SLC12A1: variants seen among roughly 807,000 people sequenced by gnomAD.
SLC12A1 encodes the protein solute carrier family 12 member 1.
In SLC12A1, 89 loss-of-function variants were observed where a neutral mutation model predicts 130.4. The ratio of observed to expected loss-of-function variants is 0.68; its 90% confidence interval spans 0.58 to 0.81. The LOEUF (loss-of-function observed/expected upper bound fraction) is 0.81. SLC12A1 is among the 40% of genes least tolerant of loss of function. The pLI, the probability that SLC12A1 is intolerant of heterozygous loss-of-function variation, is 0.00. For synonymous variants in SLC12A1, 499 were observed against 460.0 expected (o/e 1.08, Z -1.09); for missense variants, 1,310 against 1,336.4 (o/e 0.98, Z 0.31).
intron 2 of SLC12A1, among the ~76,000 whole-genome samples, chr15:48,212,826 A>C (rs1253112755): frequency 6.6e-6 from 1 of 152,210 alleles, no homozygotes; most frequent in African/African-American, 2.4e-5. Flanking sequence ...AATCCAAAAA[A>C]AAATCAATGA....
intron 2 of SLC12A1, among the ~76,000 whole-genome samples, chr15:48,210,604 T>C (rs7183437): frequency 0.99 from 150,980 of 151,920 alleles, 75,029 homozygotes; most frequent in Middle Eastern, 1. Flanking sequence ...CCTGTAATCC[T>C]AGCACTTTGG....
At chr15:48,250,418 T>C (rs16960712) in intron 14 of SLC12A1, among the ~76,000 whole-genome samples, 11,329 of 152,232 alleles carry the variant, frequency 0.074, 653 homozygotes, top group African/African-American at 0.15. Context: ...AAAATATAGA[T>C]GGCAGACCAA....
intron 17 of SLC12A1, among the ~76,000 whole-genome samples, chr15:48,265,056 A>G (rs34974030): frequency 0.012 from 1,883 of 152,270 alleles, 40 homozygotes; most frequent in African/African-American, 0.044. Flanking sequence ...TAACTATGGC[A>G]TATTTGAATG....
chr15:48,255,836 G>A lies in SLC12A1; in HGVS notation c.1968G>A (p.Gln656=). 1 of 1,608,114 alleles carries A rather than the reference G, an allele frequency of 6.2e-7. No individual in the cohort carries two copies. The highest frequency in any genetic ancestry group is 8.5e-7 in the Non-Finnish European group (1 of 1,177,204). ...KPDVNWGSST[Q]ALSYVSALDN... Reference sequence around the variant, plus strand: ...ATGTGAACTGGGGCTCCTCCACACAGGCTCTTTCCTACGTGAGTGCTTTAG... The same window carrying A: ...ATGTGAACTGGGGCTCCTCCACACAAGCTCTTTCCTACGTGAGTGCTTTAG... The change falls in exon 16 of 27, where the codon CAG becomes CAA. Residue 656 remains glutamine (Q), a synonymous_variant. Transcript: ENST00000380993.
At chr15:48,235,047 C>T (rs747853974) in intron 9 of SLC12A1, 43 bp downstream of exon 9, 2 of 1,605,274 alleles carry the variant, frequency 1.2e-6, no homozygotes, top group East Asian at 4.5e-5. Context: ...AGTGGTGGTA[C>T]ACTTGGTGGG....
chr15:48,222,318 T>A (rs2041226816), intron 4 of SLC12A1: 1 of 152,172 alleles, frequency 6.6e-6, no homozygotes, highest in African/African-American at 2.4e-5. Flanking sequence ...TTAACATCCA[T>A]ACGTTTGGGC....
intron 2 of SLC12A1, among the ~76,000 whole-genome samples, chr15:48,216,322 A>C (rs747141114): frequency 9.2e-5 from 14 of 152,208 alleles, no homozygotes; most frequent in Non-Finnish European, 1.8e-4. Flanking sequence ...TCCATCAGGA[A>C]GGAAAGTTCA....
intron 24 of SLC12A1, 94 bp downstream of exon 24, chr15:48,291,958 A>G (rs2042126256): frequency 1.3e-6 from 1 of 784,490 alleles, no homozygotes; most frequent in Non-Finnish European, 2.1e-6. Flanking sequence ...TTATGTATTT[A>G]CTGCAGCGAC....
At chr15:48,289,873 T>G (rs903547999) in intron 23 of SLC12A1, among the ~76,000 whole-genome samples, 2 of 152,198 alleles carry the variant, frequency 1.3e-5, no homozygotes, top group South Asian at 2.1e-4. Flanking sequence ...CTACTGTAGA[T>G]TTTATCAACA....
At position 48,291,589 on chromosome 15, in the gene SLC12A1, G is replaced by A. The variant is rs1340661204; in HGVS notation, c.2874-189G>A. Among the ~76,000 whole-genome samples, 9 of 152,260 alleles carry A rather than the reference G, an allele frequency of 5.9e-5. No individual in the cohort carries two copies. The East Asian group carries it at 1.7e-3, about 29-fold the overall frequency. On this transcript the variant is annotated intron_variant, in intron 23 of 26. Coordinates refer to ENST00000380993, the MANE Select transcript of SLC12A1 (RefSeq NM_000338.3). Reference sequence around the variant, plus strand: ...GTTTCTTTATGCCTTCAGTGAAATAGCTTGGTCCACACTTAATGCGTTCAT... The same window carrying A: ...GTTTCTTTATGCCTTCAGTGAAATAACTTGGTCCACACTTAATGCGTTCAT...
chr15:48,280,670 T>C (rs2042000907), intron 20 of SLC12A1, among the ~76,000 whole-genome samples: 1 of 152,140 alleles, frequency 6.6e-6, no homozygotes, highest in South Asian at 2.1e-4. Flanking sequence ...GGTGGTGGTC[T>C]TTTCCAGGGA....
chr15:48,302,714 C>A, intron 26 of SLC12A1, 36 bp from the exon 27 acceptor site: 1 of 1,514,046 alleles, frequency 6.6e-7, no homozygotes, highest in Non-Finnish European at 8.9e-7. Flanking sequence ...TAGTAATTTT[C>A]ACTTTCATTT....
intron 15 of SLC12A1, among the ~76,000 whole-genome samples, chr15:48,253,824 T>G (rs1769122506): frequency 6.6e-6 from 1 of 152,234 alleles, no homozygotes; most frequent in Non-Finnish European, 1.5e-5. Flanking sequence ...TCAGCATGTA[T>G]TATTGCCAGA....
At chr15:48,251,401 T>A (rs942198314) in intron 14 of SLC12A1, among the ~76,000 whole-genome samples, 2 of 152,044 alleles carry the variant, frequency 1.3e-5, no homozygotes, top group Non-Finnish European at 2.9e-5. Context: ...ATGCTTAACA[T>A]TTCCTAAACT....
chr15:48,266,327 C>A (rs2041831240), intron 17 of SLC12A1, among the ~76,000 whole-genome samples: 2 of 152,128 alleles, frequency 1.3e-5, no homozygotes, highest in South Asian at 2.1e-4. Flanking sequence ...CTTAAAGCAA[C>A]CTTGCACGAG....
At chr15:48,295,300 A>G (rs2042165897) in intron 24 of SLC12A1, among the ~76,000 whole-genome samples, 1 of 152,030 alleles carries the variant, frequency 6.6e-6, no homozygotes, top group Non-Finnish European at 1.5e-5. Context: ...ATTTGTCCCT[A>G]TATTTCTTTG....
chr15:48,253,445 T>C (rs1487497737), intron 15 of SLC12A1, among the ~76,000 whole-genome samples: 1 of 152,236 alleles, frequency 6.6e-6, no homozygotes, highest in African/African-American at 2.4e-5. Context: ...ATACACGATA[T>C]AGCCTTTGAG....
intron 7 of SLC12A1, among the ~76,000 whole-genome samples, chr15:48,231,013 G>A (rs765346354): frequency 9.2e-5 from 14 of 152,098 alleles, no homozygotes; most frequent in Non-Finnish European, 1.3e-4. Flanking sequence ...GTAAATTTCC[G>A]AATGATGGGA....
intron 2 of SLC12A1, among the ~76,000 whole-genome samples, chr15:48,214,169 A>G (rs961758774): frequency 5.5e-4 from 84 of 152,300 alleles, no homozygotes; most frequent in African/African-American, 1.9e-3. Context: ...TGTTGGAGTG[A>G]ACCTCTGCAA....
Sources: gnomAD v4.1 joint callset for allele counts (sites outside exome capture counted in the v4.1 genomes callset) on GRCh38, gnomAD v4.1.1 for gene constraint, MANE v1.5 for transcripts, NCBI Gene and HGNC (gene_info 2026-07-23, HGNC 2026-07-21) for gene names.